ZER1: variants seen among roughly 807,000 people sequenced by gnomAD.
ZER1 encodes protein zer-1 homolog.
ZER1 carries 11 observed loss-of-function variants against 78.8 expected under a neutral mutation model. The observed-to-expected ratio is 0.14, with a 90% confidence interval of 0.09 to 0.23. The LOEUF is 0.23. Ranked by LOEUF, ZER1 falls within the 10% of genes least tolerant of loss-of-function variation. ZER1 has a pLI of 1.00. For missense variants in ZER1, 588 were observed against 996.9 expected (o/e 0.59, Z 5.52); for synonymous variants, 400 against 407.0 (o/e 0.98, Z 0.21).
At chr9:128,752,573 G>A (rs1362729372) in intron 5 of ZER1, 100 bp downstream of exon 5, 2 of 1,322,148 alleles carry the variant, frequency 1.5e-6, no homozygotes, top group African/African-American at 3.0e-5. Flanking sequence ...CGCCCATCTT[G>A]GCTTCCCAAA....
rs1862862925 is a variant in ZER1, at chr9:128,732,479, C to T, written c.2243+947G>A. ...CTGCCTCCTGGATTCAAGTGATTCT[C>T]CTGCCTCAGCCTCCCAAGTGGCTGG... On this transcript the variant is annotated intron_variant, in intron 15 of 15. Transcript: ENST00000291900. The surrounding 1 kb of genome is among the most constrained non-coding windows in gnomAD (Gnocchi z 4.8). Among the ~76,000 whole-genome samples, 1 of 152,204 alleles carries T rather than the reference C, an allele frequency of 6.6e-6. No homozygotes were observed. Among genetic ancestry groups the T allele is most frequent in the African/African-American group, 2.4e-5 (1 of 41,450 alleles).
chr9:128,731,359 T>TC lies in ZER1; in HGVS notation c.2278dup (p.Glu760GlyfsTer7). On this transcript the variant is annotated frameshift_variant, in exon 16 of 16. Coordinates refer to ENST00000291900, the MANE Select transcript of ZER1 (RefSeq NM_006336.4). LOFTEE classifies it high-confidence loss of function. Reference sequence around the variant, plus strand: ...CCTCTATCTAGACGTGTCCATGTTCTCCTCTTTAAAGTTACTGCAGTGCTC... The same window carrying TC: ...CCTCTATCTAGACGTGTCCATGTTCTCCCTCTTTAAAGTTACTGCAGTGCTC... 2.0e-6 allele frequency: 3 copies of TC among 1,501,700 alleles called. No homozygotes were observed. The highest frequency in any genetic ancestry group is 2.7e-6 in the Non-Finnish European group (3 of 1,113,984). The allele number at this position is 1,501,700 out of a possible 1,614,324, so 93.0% of individuals were successfully genotyped here.
intron 8 of ZER1, among the ~76,000 whole-genome samples, chr9:128,750,083 A>G (rs1376976445): frequency 2.0e-5 from 3 of 152,170 alleles, no homozygotes; most frequent in Non-Finnish European, 4.4e-5. Context: ...GGAGATGTTC[A>G]TATTCATGTG....
chr9:128,743,650 G>A (rs754186798), intron 8 of ZER1, among the ~76,000 whole-genome samples: 3 of 151,922 alleles, frequency 2.0e-5, no homozygotes, highest in Non-Finnish European at 4.4e-5. Context: ...TACTTCCTGG[G>A]TTCAAGAGAT....
chr9:128,750,580 C>A, intron 8 of ZER1, 36 bp downstream of exon 8: 1 of 1,605,154 alleles, frequency 6.2e-7, no homozygotes, highest in Non-Finnish European at 8.5e-7. Flanking sequence ...GGTGGCTGGG[C>A]CAGAGCATGC....
intron 1 of ZER1, among the ~76,000 whole-genome samples, chr9:128,758,719 C>A (rs938612970): frequency 4.0e-5 from 6 of 151,766 alleles, no homozygotes; most frequent in Non-Finnish European, 8.8e-5. Context: ...GGATTACAGG[C>A]ATGAGCCGCT....
Position 128,742,515 on chromosome 9 carries a change from G to GC in ZER1, c.1575+14dup. ...TGAGGCTCAGGAGGAAGGGGGCAGC[G>GC]CCCCCCACACGTACCACGACAAAGC... On this transcript the variant is annotated intron_variant, in intron 9 of 15. Transcript: ENST00000291900. 1.2e-6 allele frequency: 2 copies of GC among 1,613,064 alleles called. No homozygotes were observed.
At position 128,751,591 on chromosome 9, in the gene ZER1, G is replaced by T; in HGVS notation, c.924-64C>A. 1 of 1,395,404 alleles carries T rather than the reference G, an allele frequency of 7.2e-7. No individual in the cohort carries two copies. The allele number at this position is 1,395,404 out of a possible 1,614,324, so 86.4% of individuals were successfully genotyped here. A position where few individuals can be genotyped will look rare whatever the true frequency, so the allele number is the denominator to read the frequency against. ...CAGGCCTGAGCTGGGCCTCCCCACT[G>T]GGGGTGGTGAGGCATTTCCTTGCTT... On this transcript the variant is annotated intron_variant, in intron 5 of 15. Coordinates refer to ENST00000291900, the MANE Select transcript of ZER1 (RefSeq NM_006336.4). The surrounding 1 kb of genome is among the most constrained non-coding windows in gnomAD (Gnocchi z 5.4).
At position 128,740,524 on chromosome 9, in the gene ZER1, GA is replaced by G. The variant is rs1256012997; in HGVS notation, c.1853+247del. On this transcript the variant is annotated intron_variant, in intron 12 of 15. Transcript: ENST00000291900. This position sits in a 1 kb window ranked among gnomAD's most constrained non-coding sequence, Gnocchi z 4.4. ...GAACCCGGGAGGCAGAGCTTGCAGT[GA>G]GCCTAGATTGTGCCACTGCACTTCA... Among the ~76,000 whole-genome samples the G allele has an allele frequency of 1.3e-5, 2 of 151,224 alleles. No individual in the cohort carries two copies. Among genetic ancestry groups the G allele is most frequent in the Non-Finnish European group, 2.9e-5 (2 of 67,944 alleles).
chr9:128,759,558 G>A (rs1863975891), intron 1 of ZER1, among the ~76,000 whole-genome samples: 2 of 151,996 alleles, frequency 1.3e-5, no homozygotes, highest in Admixed American at 6.5e-5. Flanking sequence ...CACTTTGGGA[G>A]GCCAAGGCAG....
At chr9:128,770,580 A>G (rs965371319) in intron 1 of ZER1, among the ~76,000 whole-genome samples, 1 of 151,652 alleles carries the variant, frequency 6.6e-6, no homozygotes, top group African/African-American at 2.4e-5. Context: ...TAAAATGACA[A>G]CTCCCAACTC....
At chr9:128,762,111 CT>C (rs35347894) in intron 1 of ZER1, among the ~76,000 whole-genome samples, 2,126 of 143,820 alleles carry the variant, frequency 0.015, 17 homozygotes, top group African/African-American at 0.034. Context: ...CATTTATGGA[CT>C]TTTTTTTTTT....
chr9:128,768,830 C>T (rs1190412286), intron 1 of ZER1, among the ~76,000 whole-genome samples: 2 of 152,192 alleles, frequency 1.3e-5, no homozygotes. Flanking sequence ...ACACTCCAAC[C>T]ACATATCTAG....
At chr9:128,731,862 G>A (rs112481736) in intron 15 of ZER1, among the ~76,000 whole-genome samples, 5,202 of 152,336 alleles carry the variant, frequency 0.034, 129 homozygotes, top group Middle Eastern at 0.078. Context: ...GGCAGGGGCA[G>A]CTGTGCTCGC....
Position 128,753,651 on chromosome 9 carries a change from G to C in ZER1, c.310-51C>G. On this transcript the variant is annotated intron_variant, in intron 3 of 15. Coordinates refer to ENST00000291900, the MANE Select transcript of ZER1 (RefSeq NM_006336.4). The surrounding 1 kb of genome is among the most constrained non-coding windows in gnomAD (Gnocchi z 7.5). ...CATCACCACCCTTGCCCCTTCCCCC[G>C]GCCCCAGGCCTTGCCCTGGGCTACA... 6.3e-7 allele frequency: 1 copy of C among 1,590,834 alleles called. No individual in the cohort carries two copies. The highest frequency in any genetic ancestry group is 8.6e-7 in the Non-Finnish European group (1 of 1,167,860).
chr9:128,733,595 C>G (rs1589512061), intron 14 of ZER1, 67 bp from the exon 15 acceptor site: 1 of 1,421,956 alleles, frequency 7.0e-7, no homozygotes, highest in Middle Eastern at 2.2e-4. Flanking sequence ...GCCCAGAAAC[C>G]CACCCTGTCT....
In ZER1 at chr9:128,740,655, G is replaced by A. The variant is rs1383141268; in HGVS notation, c.1853+117C>T. 6.4e-6 allele frequency: 4 copies of A among 625,080 alleles called. No individual in the cohort carries two copies. The highest frequency in any genetic ancestry group is 8.7e-6 in the Non-Finnish European group (3 of 343,106). The allele number at this position is 625,080 out of a possible 1,614,324, so 38.7% of individuals were successfully genotyped here. ...AATGAATAAGAAACCACATTATCGA[G>A]GGAAAATGACATTTATAGCAAACCT... On this transcript the variant is annotated intron_variant, in intron 12 of 15. Coordinates refer to ENST00000291900, the MANE Select transcript of ZER1 (RefSeq NM_006336.4). This position sits in a 1 kb window ranked among gnomAD's most constrained non-coding sequence, Gnocchi z 4.4.
chr9:128,765,888 C>A (rs1350769585), intron 1 of ZER1, among the ~76,000 whole-genome samples: 1 of 152,196 alleles, frequency 6.6e-6, no homozygotes, highest in African/African-American at 2.4e-5. Context: ...CAGAAAGATG[C>A]AGACACACAA....
In ZER1 at chr9:128,732,045, C is replaced by T. The variant is rs1279137159; in HGVS notation, c.2244-651G>A. Among the ~76,000 whole-genome samples, 1 of 152,260 alleles carries T rather than the reference C, an allele frequency of 6.6e-6. No homozygotes were observed. The highest frequency in any genetic ancestry group is 2.4e-5 in the African/African-American group (1 of 41,468). ...TGTGGTTTGGGGGCTTCACTGCAGC[C>T]TCTGTGTGTTAAAGGGATGCCCCAA... On this transcript the variant is annotated intron_variant, in intron 15 of 15. Transcript: ENST00000291900. This position sits in a 1 kb window ranked among gnomAD's most constrained non-coding sequence, Gnocchi z 4.8.
Sources: gnomAD v4.1 joint callset for allele counts (sites outside exome capture counted in the v4.1 genomes callset) on GRCh38, gnomAD v4.1.1 for gene constraint, Gnocchi (gnomAD v3.1) non-coding constraint, MANE v1.5 for transcripts, NCBI Gene and HGNC (gene_info 2026-07-23, HGNC 2026-07-21) for gene names.